Variants in DIP2B observed in about 807,000 individuals in gnomAD.
DIP2B encodes the protein disco-interacting protein 2 homolog B.
DIP2B carries 76 observed loss-of-function variants against 198.0 expected under a neutral mutation model. The ratio of observed to expected loss-of-function variants is 0.38; its 90% CI spans 0.32 to 0.46. The LOEUF (loss-of-function observed/expected upper bound fraction) is 0.46. Ranked by LOEUF, DIP2B falls within the 20% of genes least tolerant of loss-of-function variation. DIP2B has a pLI of 0.99. For missense variants in DIP2B, 1,559 were observed against 1,978.4 expected (o/e 0.79, Z 4.02); for synonymous variants, 701 against 739.1 (o/e 0.95, Z 0.84).
chr12:50,600,240 T>TC (rs893977799), intron 1 of DIP2B, among the ~76,000 whole-genome samples: 8 of 152,224 alleles, frequency 5.3e-5, no homozygotes, highest in Admixed American at 2.6e-4. Flanking sequence ...TTTTGACATC[T>TC]CAAGTGATAT....
chr12:50,708,569 A>G lies in DIP2B; in HGVS notation c.2649+7A>G. The G allele has an allele frequency of 6.3e-7, 1 of 1,578,002 alleles. No homozygotes were observed. Among genetic ancestry groups the G allele is most frequent in the Non-Finnish European group, 8.6e-7 (1 of 1,160,042 alleles). On this transcript the variant is annotated splice_region_variant and intron_variant, in intron 22 of 37. Transcript: ENST00000301180. ...GATGAGCCGCGTGCTGCAGGTGAGC[A>G]CACTTTGGGGTCTGTGTCAGGTCAG...
chr12:50,634,798 A>G (rs751237608), intron 2 of DIP2B, among the ~76,000 whole-genome samples: 3 of 152,094 alleles, frequency 2.0e-5, no homozygotes, highest in Non-Finnish European at 4.4e-5. Flanking sequence ...TTAGTGCCTG[A>G]TATATAGTAG....
Position 50,549,026 on chromosome 12 carries a change from A to G in DIP2B, c.100+43786A>G, listed in dbSNP as rs1419885670. Among the ~76,000 whole-genome samples, 6 of 152,292 alleles carry G rather than the reference A, an allele frequency of 3.9e-5. No individual in the cohort carries two copies. In the East Asian group the frequency reaches 7.7e-4, roughly 20 times the overall value. Reference sequence around the variant, plus strand: ...CCGAGTTAAAGTTTAAATTTTATGTAATTAGCCACCTATGTGACCTTTGAA... The same window carrying G: ...CCGAGTTAAAGTTTAAATTTTATGTGATTAGCCACCTATGTGACCTTTGAA... On this transcript the variant is annotated intron_variant, in intron 1 of 37. Coordinates refer to ENST00000301180, the MANE Select transcript of DIP2B (RefSeq NM_173602.3).
At chr12:50,734,828 G>A (rs1463054568) in intron 33 of DIP2B, among the ~76,000 whole-genome samples, 2 of 152,184 alleles carry the variant, frequency 1.3e-5, no homozygotes, top group Non-Finnish European at 2.9e-5. Flanking sequence ...ATAAAAGGGG[G>A]CTTGCTACTG....
chr12:50,507,287 C>A (rs2139334315), intron 1 of DIP2B, among the ~76,000 whole-genome samples: 1 of 152,246 alleles, frequency 6.6e-6, no homozygotes, highest in East Asian at 1.9e-4. Context: ...GGAAAAAATA[C>A]AATTGAAAAA....
intron 1 of DIP2B, among the ~76,000 whole-genome samples, chr12:50,591,520 C>G (rs1205390985): frequency 6.6e-6 from 1 of 152,086 alleles, no homozygotes; most frequent in African/African-American, 2.4e-5. Flanking sequence ...TCACTGTATC[C>G]TTTGCCTCCT....
At chr12:50,737,863 C>G (rs1252834789) in intron 35 of DIP2B, among the ~76,000 whole-genome samples, 1 of 152,150 alleles carries the variant, frequency 6.6e-6, no homozygotes, top group East Asian at 1.9e-4. Context: ...ACTAGGATTA[C>G]AGGCATGAGC....
At chr12:50,524,730 C>T (rs566945184) in intron 1 of DIP2B, among the ~76,000 whole-genome samples, 1 of 152,256 alleles carries the variant, frequency 6.6e-6, no homozygotes, top group East Asian at 1.9e-4. Context: ...ATATGTATTG[C>T]TTGTTAGATG....
chr12:50,736,968 C>A, intron 34 of DIP2B, 68 bp from the exon 35 acceptor site: 2 of 1,497,174 alleles, frequency 1.3e-6, no homozygotes, highest in Non-Finnish European at 9.3e-7. Context: ...AGGTAACTAA[C>A]CGTGCGTTTC....
intron 1 of DIP2B, among the ~76,000 whole-genome samples, chr12:50,534,081 G>A (rs1461569228): frequency 1.3e-5 from 2 of 152,070 alleles, no homozygotes; most frequent in Admixed American, 6.6e-5. Flanking sequence ...CATTCCCCAT[G>A]ATTCTAAATT....
intron 1 of DIP2B, among the ~76,000 whole-genome samples, chr12:50,589,703 G>T (rs1261866940): frequency 6.6e-6 from 1 of 152,090 alleles, no homozygotes. Context: ...GGGAGATCGG[G>T]ACCATTGACA....
chr12:50,654,533 G>A (rs1593690765), intron 3 of DIP2B, among the ~76,000 whole-genome samples: 1 of 151,682 alleles, frequency 6.6e-6, no homozygotes, highest in East Asian at 1.9e-4. Context: ...TTTATTTTTT[G>A]TAGAGGTAGT....
chr12:50,524,878 C>A (rs1331898245), intron 1 of DIP2B, among the ~76,000 whole-genome samples: 1 of 152,178 alleles, frequency 6.6e-6, no homozygotes, highest in African/African-American at 2.4e-5. Flanking sequence ...CAGGCCTGTG[C>A]CACCATGCCC....
At chr12:50,623,055 A>G (rs1206362541) in intron 1 of DIP2B, among the ~76,000 whole-genome samples, 3 of 152,100 alleles carry the variant, frequency 2.0e-5, no homozygotes, top group Non-Finnish European at 4.4e-5. Flanking sequence ...GAATTAATAT[A>G]AATCAGGCTT....
intron 3 of DIP2B, among the ~76,000 whole-genome samples, chr12:50,649,227 A>G (rs1438823511): frequency 1.3e-5 from 2 of 152,230 alleles, no homozygotes; most frequent in Non-Finnish European, 2.9e-5. Context: ...AAATTTATTT[A>G]TAGAGTTAGA....
rs543186232 is a variant in DIP2B, at chr12:50,689,200, C to T, written c.1552-1849C>T. Reference sequence around the variant, plus strand: ...ATCATTTGAGCTCAGGAGTTCGAGACGAGCCTGGGCAACATGGCGAAATTC... The same window carrying T: ...ATCATTTGAGCTCAGGAGTTCGAGATGAGCCTGGGCAACATGGCGAAATTC... On this transcript the variant is annotated intron_variant, in intron 12 of 37. Transcript: ENST00000301180. Among the ~76,000 whole-genome samples, 52 of 152,126 alleles carry T rather than the reference C, an allele frequency of 3.4e-4. 1 individual carries two copies. The South Asian group carries it at 9.8e-3, about 29-fold the overall frequency.
intron 3 of DIP2B, among the ~76,000 whole-genome samples, chr12:50,651,917 C>T (rs370236141): frequency 3.3e-5 from 5 of 152,072 alleles, no homozygotes; most frequent in South Asian, 2.1e-4. Flanking sequence ...CGGTGGCTCA[C>T]GCCTGTAATC....
At chr12:50,622,523 C>T (rs1301465768) in intron 1 of DIP2B, among the ~76,000 whole-genome samples, 2 of 152,204 alleles carry the variant, frequency 1.3e-5, no homozygotes, top group African/African-American at 2.4e-5. Flanking sequence ...CAAGCCATAA[C>T]TAACCACTGT....
chr12:50,609,931 A>G (rs1959017303), intron 1 of DIP2B, among the ~76,000 whole-genome samples: 1 of 152,242 alleles, frequency 6.6e-6, no homozygotes, highest in African/African-American at 2.4e-5. Context: ...CTGCATTACA[A>G]GAACATTTGT....
Sources: gnomAD v4.1 joint callset for allele counts (sites outside exome capture counted in the v4.1 genomes callset) on GRCh38, gnomAD v4.1.1 for gene constraint, MANE v1.5 for transcripts, NCBI Gene and HGNC (gene_info 2026-07-23, HGNC 2026-07-21) for gene names.